Variants in DLG2 observed in about 807,000 individuals in gnomAD.
DLG2 encodes disks large homolog 2.
In DLG2, 45 loss-of-function variants were observed where a neutral mutation model predicts 132.5. The observed-to-expected ratio is 0.34, with a 90% CI of 0.27 to 0.44. The LOEUF is 0.44. DLG2 is among the 20% of genes least tolerant of loss of function. DLG2 has a pLI of 1.00. For missense variants in DLG2, 1,045 were observed against 1,196.9 expected (o/e 0.87, Z 1.87); for synonymous variants, 424 against 419.6 (o/e 1.01, Z -0.13).
At chr11:84,850,492 T>C (rs1398486536) in intron 6 of DLG2, among the ~76,000 whole-genome samples, 3 of 152,154 alleles carry the variant, frequency 2.0e-5, no homozygotes, top group African/African-American at 4.8e-5. Flanking sequence ...GGGTGAGGAA[T>C]AAGACAAGGG....
intron 17 of DLG2, among the ~76,000 whole-genome samples, chr11:83,801,833 G>A (rs1303871522): frequency 6.6e-6 from 1 of 151,894 alleles, no homozygotes; most frequent in Non-Finnish European, 1.5e-5. Flanking sequence ...TTTTAGTGCT[G>A]ACTACACTAT....
chr11:85,012,088 G>A lies in DLG2; in HGVS notation c.357+99573C>T, dbSNP rs557505162. Among the ~76,000 whole-genome samples the A allele has an allele frequency of 1.0e-4, 15 of 150,608 alleles. No homozygotes were observed. The East Asian group carries it at 1.8e-3, about 18-fold the overall frequency. On this transcript the variant is annotated intron_variant, in intron 6 of 27. Transcript: ENST00000376104. ...TGTAATCCCAGCACTTTGAGAGGGC[G>A]AGGCAGGCGGATCACCTGAGGTTGG...
chr11:84,554,937 A>G (rs1323306360), intron 6 of DLG2, among the ~76,000 whole-genome samples: 1 of 152,140 alleles, frequency 6.6e-6, no homozygotes, highest in Non-Finnish European at 1.5e-5. Flanking sequence ...AATGAAAGGA[A>G]GAACAACCAT....
intron 6 of DLG2, among the ~76,000 whole-genome samples, chr11:84,541,456 C>T (rs1170259146): frequency 6.6e-6 from 1 of 152,062 alleles, no homozygotes; most frequent in Non-Finnish European, 1.5e-5. Context: ...TTAGTGTTGC[C>T]TCCTCAGAAG....
At chr11:83,460,915 G>A (rs954627380) in intron 27 of DLG2, among the ~76,000 whole-genome samples, 15 of 151,490 alleles carry the variant, frequency 9.9e-5, no homozygotes, top group African/African-American at 3.6e-4. Context: ...AACTGCTAAG[G>A]CACTGACACT....
At chr11:84,827,106 G>A (rs531420055) in intron 6 of DLG2, among the ~76,000 whole-genome samples, 183 of 151,894 alleles carry the variant, frequency 1.2e-3, no homozygotes, top group Non-Finnish European at 2.1e-3. Flanking sequence ...GCAGAGCACA[G>A]TAACTCAATA....
intron 2 of DLG2, among the ~76,000 whole-genome samples, chr11:85,620,925 C>G (rs1049073785): frequency 6.6e-6 from 1 of 152,204 alleles, no homozygotes; most frequent in Non-Finnish European, 1.5e-5. Context: ...TCAATTCAGA[C>G]AAAATAGCCT....
chr11:85,359,848 C>T (rs1172917222), intron 3 of DLG2, among the ~76,000 whole-genome samples: 2 of 151,984 alleles, frequency 1.3e-5, no homozygotes, highest in Non-Finnish European at 2.9e-5. Flanking sequence ...AGGTTCTCCC[C>T]GTCACACACA....
chr11:85,383,798 C>T (rs561780978), intron 3 of DLG2, among the ~76,000 whole-genome samples: 64 of 152,286 alleles, frequency 4.2e-4, no homozygotes, highest in Non-Finnish European at 3.1e-4. Context: ...GCCAATCTTT[C>T]CAATTTTACA....
chr11:84,745,062 G>A (rs2065189543), intron 6 of DLG2, among the ~76,000 whole-genome samples: 1 of 151,210 alleles, frequency 6.6e-6, no homozygotes, highest in African/African-American at 2.4e-5. Context: ...TAGTTATACC[G>A]ACAGTTCACA....
intron 7 of DLG2, among the ~76,000 whole-genome samples, chr11:84,339,169 C>T (rs1300500138): frequency 2.0e-5 from 3 of 152,126 alleles, no homozygotes; most frequent in Non-Finnish European, 4.4e-5. Flanking sequence ...TCTCTTTGTA[C>T]TTCTATCAAG....
intron 6 of DLG2, among the ~76,000 whole-genome samples, chr11:85,023,649 A>G (rs989386786): frequency 4.6e-5 from 7 of 151,992 alleles, no homozygotes; most frequent in African/African-American, 9.7e-5. Flanking sequence ...CAATTATAAA[A>G]CTGTGTAATA....
intron 10 of DLG2, among the ~76,000 whole-genome samples, chr11:84,096,176 T>C (rs747792296): frequency 6.6e-6 from 1 of 152,166 alleles, no homozygotes; most frequent in Admixed American, 6.6e-5. Flanking sequence ...CTTAAAATCA[T>C]TAAGCCTTAA....
intron 3 of DLG2, among the ~76,000 whole-genome samples, chr11:85,412,728 C>CATATAT (rs1457324665): frequency 8.8e-6 from 1 of 114,130 alleles, no homozygotes; most frequent in African/African-American, 3.7e-5. Flanking sequence ...CAGTATTTCA[C>CATATAT]ACACACACAC....
At chr11:84,031,875 A>G (rs893517386) in intron 11 of DLG2, among the ~76,000 whole-genome samples, 2 of 151,912 alleles carry the variant, frequency 1.3e-5, no homozygotes, top group Non-Finnish European at 1.5e-5. Flanking sequence ...CGTGTGTCAC[A>G]TTTTTTTTGG....
At chr11:85,491,711 T>C (rs940835350) in intron 3 of DLG2, among the ~76,000 whole-genome samples, 39 of 152,040 alleles carry the variant, frequency 2.6e-4, no homozygotes, top group African/African-American at 8.0e-4. Context: ...AAGACCTGTA[T>C]ACTGAAAACT....
intron 6 of DLG2, among the ~76,000 whole-genome samples, chr11:84,623,444 G>A (rs1325883547): frequency 6.6e-6 from 1 of 152,086 alleles, no homozygotes; most frequent in African/African-American, 2.4e-5. Flanking sequence ...TTTCTAGCTT[G>A]TATAACACTT....
chr11:84,992,563 C>T (rs954467248), intron 6 of DLG2, among the ~76,000 whole-genome samples: 2 of 152,120 alleles, frequency 1.3e-5, no homozygotes, highest in African/African-American at 2.4e-5. Flanking sequence ...TCTGTTGTTT[C>T]CTGACTTTTT....
intron 3 of DLG2, among the ~76,000 whole-genome samples, chr11:85,557,670 T>A (rs1799013742): frequency 6.6e-6 from 1 of 151,818 alleles, no homozygotes; most frequent in African/African-American, 2.4e-5. Context: ...AGCCTTCTGA[T>A]CTTTGACAAA....
Sources: gnomAD v4.1 joint callset for allele counts (sites outside exome capture counted in the v4.1 genomes callset) on GRCh38, gnomAD v4.1.1 for gene constraint, MANE v1.5 for transcripts, NCBI Gene and HGNC (gene_info 2026-07-23, HGNC 2026-07-21) for gene names.